The following TMEM94 variants were observed in gnomAD, a reference collection of about 807,000 sequenced individuals.
The protein encoded by TMEM94 is ER Mg2+ ATPase.
Under a neutral mutation model 158.6 loss-of-function variants are expected in TMEM94, and 81 were observed. The ratio of observed to expected loss-of-function variants is 0.51; its 90% CI spans 0.43 to 0.61. TMEM94 has a LOEUF of 0.61. TMEM94 is among the 20% of genes least tolerant of loss of function. The probability of loss-of-function intolerance (pLI) is 0.00; values close to 1 mark genes in which losing one functional copy is unlikely to be tolerated. For missense variants in TMEM94, 1,435 were observed against 1,762.0 expected (o/e 0.81, Z 3.32); for synonymous variants, 751 against 730.7 (o/e 1.03, Z -0.45).
chr17:75,477,275 G>C (rs1000984604), intron 2 of TMEM94, among the ~76,000 whole-genome samples: 1 of 152,208 alleles, frequency 6.6e-6, no homozygotes, highest in Non-Finnish European at 1.5e-5. Context: ...GATTTGCCTG[G>C]CTGCAGACAG....
intron 2 of TMEM94, among the ~76,000 whole-genome samples, chr17:75,473,103 T>TC (rs1567915178): frequency 6.6e-6 from 1 of 152,198 alleles, no homozygotes; most frequent in Non-Finnish European, 1.5e-5. Flanking sequence ...TCCAGGGAGA[T>TC]CTTGGGAAGG....
chr17:75,495,206 C>T lies in TMEM94; in HGVS notation c.2729-78C>T. On this transcript the variant is annotated intron_variant, in intron 20 of 31. Coordinates refer to ENST00000314256, the MANE Select transcript of TMEM94 (RefSeq NM_014738.6). The surrounding 1 kb of genome is among the most constrained non-coding windows in gnomAD (Gnocchi z 5.6). ...GTCAGCAGGAAGGAGTGGACACAGG[C>T]AAAAAATTCTCTGCAGGGCAAGGAC... 7.1e-7 allele frequency: 1 copy of T among 1,410,810 alleles called. No individual in the cohort carries two copies. The allele number at this position is 1,410,810 out of a possible 1,614,324, so 87.4% of individuals were successfully genotyped here. A position where few individuals can be genotyped will look rare whatever the true frequency, so the allele number is the denominator to read the frequency against.
chr17:75,473,519 C>T (rs2050569713), intron 2 of TMEM94, among the ~76,000 whole-genome samples: 1 of 152,190 alleles, frequency 6.6e-6, no homozygotes, highest in South Asian at 2.1e-4. Flanking sequence ...GCCAGAACCA[C>T]TGAACACTAG....
At chr17:75,458,889 C>CTT (rs2049975905) in intron 1 of TMEM94, among the ~76,000 whole-genome samples, 1 of 151,688 alleles carries the variant, frequency 6.6e-6, no homozygotes. Flanking sequence ...AACCCCATCT[C>CTT]TACTAAAAAT....
At chr17:75,475,758 T>C (rs1195866489) in intron 2 of TMEM94, among the ~76,000 whole-genome samples, 2 of 152,140 alleles carry the variant, frequency 1.3e-5, no homozygotes, top group Non-Finnish European at 2.9e-5. Flanking sequence ...CTTGGGCCGG[T>C]GTGTCTGAAT....
chr17:75,465,677 A>C, intron 1 of TMEM94, among the ~76,000 whole-genome samples: 2 of 84,226 alleles, frequency 2.4e-5, no homozygotes, highest in Non-Finnish European at 5.1e-5. Flanking sequence ...ATATATATAT[A>C]TATTTTTTTT....
chr17:75,467,855 C>A (rs556791163), intron 1 of TMEM94, among the ~76,000 whole-genome samples: 1 of 152,310 alleles, frequency 6.6e-6, no homozygotes, highest in South Asian at 2.1e-4. Context: ...TTCCACCTTG[C>A]TTTTGAGTCC....
At chr17:75,464,886 A>G (rs1408248725) in intron 1 of TMEM94, among the ~76,000 whole-genome samples, 1 of 151,360 alleles carries the variant, frequency 6.6e-6, no homozygotes, top group African/African-American at 2.4e-5. Context: ...TTTAGTGGAG[A>G]TGGGGTTTCT....
chr17:75,496,573 C>T, intron 24 of TMEM94, 102 bp downstream of exon 24: 4 of 1,440,086 alleles, frequency 2.8e-6, no homozygotes, highest in Non-Finnish European at 3.8e-6. Context: ...CCTCATTCCC[C>T]AGCCCTCCGA....
chr17:75,475,885 C>T (rs557678810), intron 2 of TMEM94, among the ~76,000 whole-genome samples: 50 of 152,236 alleles, frequency 3.3e-4, no homozygotes, highest in Non-Finnish European at 5.4e-4. Flanking sequence ...TGGCTCTTCC[C>T]TCCCTACTGG....
intron 1 of TMEM94, among the ~76,000 whole-genome samples, chr17:75,469,345 A>ATT (rs10711780): frequency 2.4e-5 from 3 of 124,700 alleles, no homozygotes; most frequent in Non-Finnish European, 3.4e-5. Context: ...TTAACCCTAA[A>ATT]TTTTTTTTTT....
At chr17:75,493,956 T>G in intron 18 of TMEM94, 40 bp downstream of exon 18, 1 of 1,572,362 alleles carries the variant, frequency 6.4e-7, no homozygotes. Context: ...GTGCTGGGGC[T>G]CCCCTGGGCT....
At position 75,498,837 on chromosome 17, in the gene TMEM94, C is replaced by T. The variant is rs1050783325; in HGVS notation, c.3828-75C>T. ...GTGGTTTAACTGTACCCTGCCTGAG[C>T]TAACTGTTGTACTGGGAAGAGCAGG... On this transcript the variant is annotated intron_variant, in intron 30 of 31. Transcript: ENST00000314256. The surrounding 1 kb of genome is among the most constrained non-coding windows in gnomAD (Gnocchi z 6.7). 2.0e-6 allele frequency: 3 copies of T among 1,521,490 alleles called. No individual in the cohort carries two copies. The highest frequency in any genetic ancestry group is 2.6e-6 in the Non-Finnish European group (3 of 1,134,018). 94.2% of individuals were successfully genotyped at this position (1,521,490 alleles called of 1,614,324 possible).
chr17:75,486,172 C>T, intron 4 of TMEM94, 118 bp from the exon 5 acceptor site: 1 of 1,496,274 alleles, frequency 6.7e-7, no homozygotes, highest in Non-Finnish European at 9.0e-7. Context: ...GTCAGGGCAC[C>T]AGAACGGGAC....
chr17:75,470,905 C>G (rs184027648), intron 1 of TMEM94, among the ~76,000 whole-genome samples: 2 of 139,918 alleles, frequency 1.4e-5, no homozygotes, highest in African/African-American at 5.5e-5. Context: ...GGCAACAGAG[C>G]GAGACTCTGT....
At chr17:75,476,829 T>TGTGA in intron 2 of TMEM94, 1 of 1,524,774 alleles carries the variant, frequency 6.6e-7, no homozygotes, top group Admixed American at 2.0e-5. Flanking sequence ...TAGCGGTTGC[T>TGTGA]GTGAGAGTCC....
intron 1 of TMEM94, chr17:75,457,421 T>TGCG (rs1355523080): frequency 6.6e-6 from 1 of 152,288 alleles, no homozygotes; most frequent in African/African-American, 2.4e-5. Context: ...CATGCCACGA[T>TGCG]GCGGCCCCTG....
chr17:75,494,489 C>A, intron 18 of TMEM94, 138 bp from the exon 19 acceptor site: 1 of 755,096 alleles, frequency 1.3e-6, no homozygotes, highest in Non-Finnish European at 2.1e-6. Flanking sequence ...TGTCTGTCGG[C>A]TCCTTCGTGT....
In TMEM94 at chr17:75,492,605, G is replaced by A. The variant is rs267605048; in HGVS notation, c.1728G>A (p.Gln576=). The part of the protein sequence containing the change: ...SCIQFDDSNW[Q]LHLTSLKPLG... ...TCCAGTTTGATGACTCCAACTGGCA[G>A]CTGCACCTCACCTCCCTCAAACCCC... is the stretch of plus-strand genomic sequence containing the variant. Residue 576 remains glutamine, a synonymous_variant, in exon 15 of 32, where the codon CAG becomes CAA. Coordinates refer to ENST00000314256, the MANE Select transcript of TMEM94 (RefSeq NM_014738.6). This position sits in a 1 kb window ranked among gnomAD's most constrained non-coding sequence, Gnocchi z 4.4. The A allele has an allele frequency of 3.7e-6, 6 of 1,614,098 alleles. No homozygotes were observed. In the South Asian group the frequency reaches 6.6e-5, roughly 18 times the overall value.
Sources: gnomAD v4.1 joint callset for allele counts (sites outside exome capture counted in the v4.1 genomes callset) on GRCh38, gnomAD v4.1.1 for gene constraint, Gnocchi (gnomAD v3.1) non-coding constraint, MANE v1.5 for transcripts, NCBI Gene and HGNC (gene_info 2026-07-23, HGNC 2026-07-21) for gene names.